The following RGS9 variants were observed in gnomAD, a reference collection of about 807,000 sequenced individuals.
The protein encoded by RGS9 is regulator of G protein signaling 9.
In RGS9, 78 loss-of-function variants were observed where a neutral mutation model predicts 102.0. That is an observed-to-expected ratio of 0.76 (90% CI 0.64 to 0.92). RGS9 has a LOEUF of 0.92. RGS9 is among the 40% of genes least tolerant of loss of function. RGS9 has a pLI of 0.00. For missense variants in RGS9, 833 were observed against 866.1 expected (o/e 0.96, Z 0.48); for synonymous variants, 353 against 318.6 (o/e 1.11, Z -1.15).
chr17:65,199,682 C>T (rs925264948), intron 13 of RGS9, among the ~76,000 whole-genome samples: 2 of 151,564 alleles, frequency 1.3e-5, no homozygotes, highest in South Asian at 4.2e-4. Context: ...TTAGTAGAGA[C>T]GGGGTTTCAT....
intron 1 of RGS9, among the ~76,000 whole-genome samples, chr17:65,151,284 G>C (rs1910568013): frequency 6.6e-6 from 1 of 151,420 alleles, no homozygotes; most frequent in South Asian, 2.1e-4. Flanking sequence ...AGTGGCGGTT[G>C]CAGTGAGCCA....
chr17:65,202,442 T>A (rs199864943), intron 14 of RGS9, among the ~76,000 whole-genome samples: 17 of 123,236 alleles, frequency 1.4e-4, no homozygotes, highest in African/African-American at 5.1e-4. Flanking sequence ...TGTGTGTGTG[T>A]GTGAGAGAGA....
rs1052892370 is a variant in RGS9, at chr17:65,151,858, C to T, written c.58-1564C>T. 9.8e-5 allele frequency among the ~76,000 whole-genome samples: 15 copies of T among 152,294 alleles called. 1 individual carries two copies. Among genetic ancestry groups the T allele is most frequent in the African/African-American group, 3.4e-4 (14 of 41,570 alleles). Reference sequence around the variant, plus strand: ...CTTACCATCTTCCTGGCCACTGCCTCATTTATTTATTAATTCACACATCAC... The same window carrying T: ...CTTACCATCTTCCTGGCCACTGCCTTATTTATTTATTAATTCACACATCAC... On this transcript the variant is annotated intron_variant, in intron 1 of 18. Transcript: ENST00000262406.
chr17:65,227,245 A>G, intron 18 of RGS9, 30 bp from the exon 19 acceptor site: 1 of 1,614,060 alleles, frequency 6.2e-7, no homozygotes, highest in South Asian at 1.1e-5. Context: ...CCCTGCCCCT[A>G]CATTACTGGC....
chr17:65,159,744 A>C (rs984202542), intron 3 of RGS9, among the ~76,000 whole-genome samples: 2 of 152,156 alleles, frequency 1.3e-5, no homozygotes, highest in Non-Finnish European at 2.9e-5. Flanking sequence ...TGGGAAGGAG[A>C]GGAAGGGTCT....
At position 65,227,564 on chromosome 17, in the gene RGS9, T is replaced by C. The variant is rs2041627980; in HGVS notation, c.*157T>C. 3.8e-6 allele frequency: 4 copies of C among 1,060,614 alleles called. No individual in the cohort carries two copies. The highest frequency in any genetic ancestry group is 2.6e-5 in the East Asian group (1 of 38,232). The allele number at this position is 1,060,614 out of a possible 1,614,324, so 65.7% of individuals were successfully genotyped here. A position where few individuals can be genotyped will look rare whatever the true frequency, so the allele number is the denominator to read the frequency against. On this transcript the variant is annotated 3_prime_UTR_variant, in exon 19 of 19. Coordinates refer to ENST00000262406, the MANE Select transcript of RGS9 (RefSeq NM_003835.4). The stretch of plus-strand genomic sequence containing the variant: ...AGATGGGGTAGATTGTGGCAAAGAA[T>C]GCTCTGGCTGGTTACCAGGGGCCAA...
At chr17:65,220,606 G>C (rs1428776185) in intron 17 of RGS9, among the ~76,000 whole-genome samples, 1 of 152,176 alleles carries the variant, frequency 6.6e-6, no homozygotes, top group East Asian at 1.9e-4. Context: ...GAAGGCACTG[G>C]AAGAGGGGAC....
At chr17:65,210,018 C>T (rs1913227448) in intron 16 of RGS9, among the ~76,000 whole-genome samples, 1 of 152,108 alleles carries the variant, frequency 6.6e-6, no homozygotes, top group South Asian at 2.1e-4. Context: ...ATGGAGGTTG[C>T]AGTGAGCCGA....
At position 65,207,985 on chromosome 17, in the gene RGS9, C is replaced by A; in HGVS notation, c.1267C>A (p.Pro423Thr). ...YKDMLAKAIE[P>T]QETTKKSSTL... ...GGACATGCTGGCCAAAGCTATTGAA[C>A]CTCAGGAAACCACCAAGAAAAGGCA... Residue 423 changes from proline (P) to threonine (T), a missense_variant, in exon 16 of 19, where the codon CCT becomes ACT. Pro to Thr is a conservative substitution (Grantham distance 38, BLOSUM62 -1). This residue lies in a region of RGS9 where 185 missense variants were observed against 248.7 expected (regional missense o/e 0.74). Coordinates refer to ENST00000262406, the MANE Select transcript of RGS9 (RefSeq NM_003835.4). 6.2e-7 allele frequency: 1 copy of A among 1,612,504 alleles called. No individual in the cohort carries two copies. Among genetic ancestry groups the A allele is most frequent in the South Asian group, 1.1e-5 (1 of 91,036 alleles).
At chr17:65,151,454 G>A (rs1391629946) in intron 1 of RGS9, among the ~76,000 whole-genome samples, 3 of 152,152 alleles carry the variant, frequency 2.0e-5, no homozygotes, top group African/African-American at 4.8e-5. Context: ...AGATAGTCAG[G>A]GCTGTCCCTG....
rs1322206708 is a variant in RGS9, at chr17:65,202,460, AGAGAGAGT to A, written c.1064+388_1064+395del. Among the ~76,000 whole-genome samples, 425 of 142,186 alleles carry A rather than the reference AGAGAGAGT, an allele frequency of 3.0e-3. 3 individuals carry two copies. Among genetic ancestry groups the A allele is most frequent in the African/African-American group, 6.8e-3 (265 of 38,860 alleles). 93.3% of individuals were successfully genotyped at this position (142,186 alleles called of 152,430 possible). On this transcript the variant is annotated intron_variant, in intron 14 of 18. Coordinates refer to ENST00000262406, the MANE Select transcript of RGS9 (RefSeq NM_003835.4). ...GTGTGTGTGTGAGAGAGAGAGAGAG[AGAGAGAGT>A]GAGAGAGAGAGAGAAGAAGCAGCAA...
chr17:65,174,605 G>A (rs1229699488), intron 8 of RGS9, among the ~76,000 whole-genome samples: 3 of 150,234 alleles, frequency 2.0e-5, no homozygotes, highest in South Asian at 4.2e-4. Context: ...GTGTGCCTAG[G>A]TTTGTGCATG....
intron 6 of RGS9, 146 bp from the exon 7 acceptor site, chr17:65,162,867 T>C (rs1911038108): frequency 1.5e-6 from 1 of 655,972 alleles, no homozygotes; most frequent in East Asian, 2.9e-5. Flanking sequence ...GTGAACACCA[T>C]GGTAAAACCA....
intron 17 of RGS9, among the ~76,000 whole-genome samples, chr17:65,223,035 C>T (rs1398222113): frequency 3.9e-5 from 6 of 152,204 alleles, no homozygotes; most frequent in Non-Finnish European, 7.3e-5. Flanking sequence ...CTGGACTTCT[C>T]TTAGTGTCCT....
At chr17:65,218,257 T>C (rs1301458407) in intron 17 of RGS9, among the ~76,000 whole-genome samples, 1 of 152,232 alleles carries the variant, frequency 6.6e-6, no homozygotes, top group Non-Finnish European at 1.5e-5. Context: ...TGCTGTGGGA[T>C]GGCCACGGGA....
Position 65,186,365 on chromosome 17 carries a change from A to C in RGS9, c.655-2921A>C, listed in dbSNP as rs370811872. 5.3e-5 allele frequency among the ~76,000 whole-genome samples: 8 copies of C among 150,926 alleles called. No homozygotes were observed. The East Asian group carries it at 1.4e-3, about 26-fold the overall frequency. ...CAAGTAACTGGGATTACAGGTGTTC[A>C]TCACCATGCCCGGCTAATTTTTGTA... On this transcript the variant is annotated intron_variant, in intron 9 of 18. Transcript: ENST00000262406.
Position 65,201,973 on chromosome 17 carries a change from G to C in RGS9, c.977-20G>C, listed in dbSNP as rs767331715. Reference sequence around the variant, plus strand: ...TATTTCCTGCCCGGCCCTCATCCACGTGGACTTCTCACCATGCAGGAGAGA... The same window carrying C: ...TATTTCCTGCCCGGCCCTCATCCACCTGGACTTCTCACCATGCAGGAGAGA... On this transcript the variant is annotated intron_variant, in intron 13 of 18. Coordinates refer to ENST00000262406, the MANE Select transcript of RGS9 (RefSeq NM_003835.4). The C allele has an allele frequency of 6.4e-7, 1 of 1,565,354 alleles. No homozygotes were observed.
At chr17:65,174,439 G>A (rs919549896) in intron 8 of RGS9, among the ~76,000 whole-genome samples, 3 of 152,048 alleles carry the variant, frequency 2.0e-5, no homozygotes, top group Non-Finnish European at 2.9e-5. Flanking sequence ...GTGCGAGTGT[G>A]TGTACATGTG....
intron 11 of RGS9, among the ~76,000 whole-genome samples, chr17:65,192,085 G>A (rs1003399700): frequency 1.3e-5 from 2 of 152,162 alleles, no homozygotes; most frequent in African/African-American, 2.4e-5. Flanking sequence ...TTTTTAAATT[G>A]ACACATAATT....
Sources: allele counts gnomAD v4.1 joint callset (sites outside exome capture counted in the v4.1 genomes callset), GRCh38; gene constraint gnomAD v4.1.1; regional missense constraint gnomAD v4.1.1; transcripts MANE v1.5; gene names NCBI Gene and HGNC (gene_info 2026-07-23, HGNC 2026-07-21).